RP1: variants seen among roughly 807,000 people sequenced by gnomAD.
The protein encoded by RP1 is RP1 axonemal microtubule associated, also known as oxygen-regulated protein 1.
RP1 carries 16 observed loss-of-function variants against 14.8 expected under a neutral mutation model. That is an observed-to-expected ratio of 1.08 (90% CI 0.73 to 1.65). RP1 has a LOEUF of 1.65. Among genes scored for constraint, RP1 ranks in the 40% most tolerant of loss-of-function variants. The pLI, the probability that RP1 is intolerant of heterozygous loss-of-function variation, is 0.00. For missense variants in RP1, 2,631 were observed against 2,535.0 expected (o/e 1.04, Z -0.81); for synonymous variants, 876 against 883.6 (o/e 0.99, Z 0.15).
At chr8:54,679,311 C>A (rs1025920292) in intron 9 of RP1, 12 of 955,432 alleles carry the variant, frequency 1.3e-5, no homozygotes, top group Non-Finnish European at 1.9e-5. Context: ...CAGATAGCCA[C>A]GTCTTTTCCC....
chr8:54,614,884 G>A (rs1404226019), upstream of RP1, among the ~76,000 whole-genome samples: 1 of 152,150 alleles, frequency 6.6e-6, no homozygotes, highest in Admixed American at 6.5e-5. Context: ...TGATCAATGT[G>A]AATTGTTTAT....
At position 54,627,494 on chromosome 8, in the gene RP1, T is replaced by A; in HGVS notation, c.3612T>A (p.Val1204=). ...FGLSEKEQDM[V]PIDLSANCST... is the part of the protein sequence containing the mutation. The stretch of plus-strand genomic sequence containing the variant: ...TCAGTGAGAAAGAACAAGACATGGT[T>A]CCAATAGATCTTTCTGCAAATTGTT... Residue 1204 remains valine, a synonymous_variant, in exon 4 of 4, where the codon GTT becomes GTA. Transcript: ENST00000220676. The A allele has an allele frequency of 1.2e-6, 2 of 1,614,150 alleles. No individual in the cohort carries two copies. Among genetic ancestry groups the A allele is most frequent in the Non-Finnish European group, 1.7e-6 (2 of 1,179,970 alleles).
chr8:54,757,379 C>G lies in RP1; in HGVS notation c.3094-1543C>G, dbSNP rs112686832. 3.1e-3 allele frequency among the ~76,000 whole-genome samples: 475 copies of G among 152,330 alleles called. 5 individuals are homozygous for G. The highest frequency in any genetic ancestry group is 0.011 in the African/African-American group (451 of 41,564). On this transcript the variant is annotated intron_variant, in intron 21 of 22. Coordinates refer to the RP1 transcript ENST00000636932. ...AGAAAGCTGACTCAGCCTATCTTTC[C>G]AGACCTCAAAGTGTTGTAGTTTGGG...
intron 1 of RP1, among the ~76,000 whole-genome samples, chr8:54,619,354 G>T (rs994251221): frequency 1.3e-5 from 2 of 152,142 alleles, no homozygotes; most frequent in African/African-American, 4.8e-5. Context: ...GTTTATAGCT[G>T]ATTTACAATG....
At chr8:54,588,143 T>G (rs2129299783) in intron 1 of RP1, among the ~76,000 whole-genome samples, 1 of 152,338 alleles carries the variant, frequency 6.6e-6, no homozygotes, top group South Asian at 2.1e-4. Flanking sequence ...TGGTGCATAT[T>G]TCATTTTAAG....
intron 1 of RP1, among the ~76,000 whole-genome samples, chr8:54,574,661 A>G (rs932401276): frequency 2.7e-5 from 4 of 150,640 alleles, no homozygotes; most frequent in Non-Finnish European, 5.9e-5. Context: ...TAGTCTATGA[A>G]GTTTTATTTG....
chr8:54,715,154 GTT>G, intron 15 of RP1, among the ~76,000 whole-genome samples: 1 of 152,364 alleles, frequency 6.6e-6, no homozygotes, highest in East Asian at 1.9e-4. Flanking sequence ...GTAACTAGGA[GTT>G]GTTCTACTGC....
intron 19 of RP1, among the ~76,000 whole-genome samples, chr8:54,741,707 G>GCATATATATATATA (rs1554528861): frequency 3.4e-5 from 2 of 58,036 alleles, no homozygotes; most frequent in Non-Finnish European, 6.3e-5. Flanking sequence ...AAATGTGTGT[G>GCATATATATATATA]TATATATATA....
chr8:54,739,669 TC>T (rs1251458007), intron 19 of RP1, among the ~76,000 whole-genome samples: 1 of 152,002 alleles, frequency 6.6e-6, no homozygotes, highest in African/African-American at 2.4e-5. Flanking sequence ...CTTTCATGGT[TC>T]CTTGCAGACT....
At chr8:54,831,073 G>T (rs1222405809) in intron 24 of RP1, among the ~76,000 whole-genome samples, 1 of 151,864 alleles carries the variant, frequency 6.6e-6, no homozygotes, top group Non-Finnish European at 1.5e-5. Flanking sequence ...TCCTTTGTTT[G>T]TATATATCAC....
chr8:54,673,259 G>A (rs1222994223), intron 7 of RP1, among the ~76,000 whole-genome samples: 1 of 151,928 alleles, frequency 6.6e-6, no homozygotes, highest in Non-Finnish European at 1.5e-5. Flanking sequence ...CTATACAAAG[G>A]TTATTTTTTC....
chr8:54,579,713 C>G (rs1000300606), intron 1 of RP1, among the ~76,000 whole-genome samples: 13 of 152,190 alleles, frequency 8.5e-5, no homozygotes. Flanking sequence ...GGCTGCTGTT[C>G]CTTTGTCTTG....
intron 8 of RP1, chr8:54,678,315 T>G (rs776918005): frequency 1.8e-6 from 1 of 553,534 alleles, no homozygotes; most frequent in Non-Finnish European, 3.1e-6. Flanking sequence ...ACTTCTGTTA[T>G]ATTTTGCTTT....
chr8:54,724,657 C>T (rs771625540), intron 16 of RP1, among the ~76,000 whole-genome samples: 2 of 152,046 alleles, frequency 1.3e-5, no homozygotes, highest in Non-Finnish European at 2.9e-5. Context: ...ATTGGAGGGT[C>T]ACTTTGGTAC....
chr8:54,623,177 A>T (rs963732126), intron 3 of RP1, among the ~76,000 whole-genome samples: 3 of 152,196 alleles, frequency 2.0e-5, no homozygotes, highest in Non-Finnish European at 4.4e-5. Flanking sequence ...TGTAAGCATT[A>T]GGTTGCCACA....
intron 24 of RP1, among the ~76,000 whole-genome samples, chr8:54,823,986 A>T (rs576105481): frequency 3.2e-4 from 49 of 152,272 alleles, no homozygotes; most frequent in African/African-American, 1.1e-3. Context: ...TATCCTAATA[A>T]AGTTGTGCAG....
intron 1 of RP1, among the ~76,000 whole-genome samples, chr8:54,576,463 G>C (rs1804667057): frequency 6.6e-6 from 1 of 152,238 alleles, no homozygotes; most frequent in South Asian, 2.1e-4. Flanking sequence ...ATTACTTACC[G>C]GCAACCTAAT....
chr8:54,566,043 C>A (rs538505115), intron 1 of RP1, among the ~76,000 whole-genome samples: 1 of 151,702 alleles, frequency 6.6e-6, no homozygotes, highest in Non-Finnish European at 1.5e-5. Flanking sequence ...CAAATTTCCT[C>A]TTTTATAAGG....
Position 54,673,739 on chromosome 8 carries a change from CAAAA to C in RP1, c.1324-110_1324-107del, listed in dbSNP as rs1043554519. ...TGGGTGACAGAGGGAGAGCCTGTCTCAAAACAACAACAACAACAACAACAACAAC... is the reference window on the plus strand; with the variant it reads ...TGGGTGACAGAGGGAGAGCCTGTCTCCAACAACAACAACAACAACAACAAC... On this transcript the variant is annotated intron_variant, in intron 7 of 22. Coordinates refer to the RP1 transcript ENST00000636932. The C allele has an allele frequency of 3.0e-5, 25 of 827,330 alleles. No individual in the cohort carries two copies. The African/African-American group carries it at 3.9e-4, about 13-fold the overall frequency. The allele number at this position is 827,330 out of a possible 1,614,324, so 51.2% of individuals were successfully genotyped here.
Sources: allele counts gnomAD v4.1 joint callset (sites outside exome capture counted in the v4.1 genomes callset), GRCh38; gene constraint gnomAD v4.1.1; transcripts MANE v1.5; gene names NCBI Gene and HGNC (gene_info 2026-07-23, HGNC 2026-07-21).